The following TENM2 variants were observed in gnomAD, a reference collection of about 807,000 sequenced individuals.
TENM2 encodes teneurin-2.
Under a neutral mutation model 245.2 loss-of-function variants are expected in TENM2, and 52 were observed. The ratio of observed to expected loss-of-function variants is 0.21; its 90% CI spans 0.17 to 0.27. TENM2 has a LOEUF of 0.27. Ranked by LOEUF, TENM2 falls within the 10% of genes least tolerant of loss-of-function variation. The probability of loss-of-function intolerance (pLI) is 1.00; values close to 1 mark genes in which losing one functional copy is unlikely to be tolerated. For synonymous variants in TENM2, 1,363 were observed against 1,438.9 expected (o/e 0.95, Z 1.19); for missense variants, 3,046 against 3,666.8 (o/e 0.83, Z 4.37).
At chr5:167,163,046 C>G in the TENM2 span, among the ~76,000 whole-genome samples, 2 of 152,072 alleles carry the variant, frequency 1.3e-5, no homozygotes, top group South Asian at 4.1e-4. Flanking sequence ...TAATGGTAGC[C>G]CTTTGTTCAG....
intron 4 of TENM2, among the ~76,000 whole-genome samples, chr5:167,988,962 C>G (rs1783450151): frequency 6.6e-6 from 1 of 152,102 alleles, no homozygotes; most frequent in Non-Finnish European, 1.5e-5. Flanking sequence ...ACATTAAAGC[C>G]AATTTAAACT....
the TENM2 span, among the ~76,000 whole-genome samples, chr5:166,990,423 G>A: frequency 6.6e-6 from 1 of 152,306 alleles, no homozygotes; most frequent in African/African-American, 2.4e-5. Context: ...ATACTGAAGT[G>A]TTATTAATAA....
intron 12 of TENM2, among the ~76,000 whole-genome samples, chr5:168,135,977 C>T (rs1755014417): frequency 6.6e-6 from 1 of 152,162 alleles, no homozygotes; most frequent in Admixed American, 6.5e-5. Context: ...CAAATAGCCT[C>T]ATTCCATAGT....
chr5:166,984,242 T>G, the TENM2 span, among the ~76,000 whole-genome samples: 24 of 152,096 alleles, frequency 1.6e-4, no homozygotes, highest in African/African-American at 5.6e-4. Context: ...GTTTTGCAAT[T>G]TTTAATTTAC....
At chr5:167,362,627 C>A (rs1267692800) in intron 1 of TENM2, among the ~76,000 whole-genome samples, 2 of 152,166 alleles carry the variant, frequency 1.3e-5, no homozygotes, top group Non-Finnish European at 2.9e-5. Context: ...ATGCAAGTGT[C>A]ATGTGCCTTT....
intron 2 of TENM2, among the ~76,000 whole-genome samples, chr5:167,458,494 C>CAAAA (rs70976430): frequency 1.1e-4 from 9 of 82,022 alleles, no homozygotes; most frequent in African/African-American, 1.8e-4. Flanking sequence ...CTCAAAAAAA[C>CAAAA]AAAAAAAAAA....
chr5:167,818,729 T>C (rs922462490), intron 2 of TENM2, among the ~76,000 whole-genome samples: 4 of 152,168 alleles, frequency 2.6e-5, no homozygotes, highest in African/African-American at 4.8e-5. Context: ...GAAAAAGATA[T>C]AATTTTCTTC....
At chr5:167,285,610 G>A (rs1172013437) in intron 1 of TENM2, among the ~76,000 whole-genome samples, 1 of 152,068 alleles carries the variant, frequency 6.6e-6, no homozygotes, top group African/African-American at 2.4e-5. Flanking sequence ...CTAACAGTTG[G>A]CACTCTCTTC....
At chr5:168,059,344 G>A (rs1015834020) in intron 6 of TENM2, among the ~76,000 whole-genome samples, 1 of 152,146 alleles carries the variant, frequency 6.6e-6, no homozygotes, top group Non-Finnish European at 1.5e-5. Flanking sequence ...AACACTCGTG[G>A]GTGCTGATTT....
the TENM2 span, among the ~76,000 whole-genome samples, chr5:167,065,244 AC>A: frequency 6.6e-6 from 1 of 152,186 alleles, no homozygotes; most frequent in African/African-American, 2.4e-5. Context: ...AAAGTTTAGC[AC>A]ATAACCTTTT....
chr5:168,084,771 A>G (rs747307713), intron 7 of TENM2, among the ~76,000 whole-genome samples: 37 of 152,322 alleles, frequency 2.4e-4, no homozygotes, highest in Non-Finnish European at 8.8e-5. Flanking sequence ...GACCAAGTAC[A>G]GCCAACACCC....
the TENM2 span, among the ~76,000 whole-genome samples, chr5:167,158,770 T>A: frequency 6.6e-6 from 1 of 152,020 alleles, no homozygotes; most frequent in South Asian, 2.1e-4. Context: ...AGTCCCCATT[T>A]CCAAGTACCA....
intron 5 of TENM2, among the ~76,000 whole-genome samples, chr5:168,003,816 G>A (rs566262943): frequency 2.0e-4 from 30 of 152,214 alleles, no homozygotes; most frequent in African/African-American, 6.3e-4. Context: ...TAGACACAGC[G>A]GACTCTTGCC....
chr5:168,090,502 G>A (rs181535512), intron 7 of TENM2, 72 bp from the exon 10 acceptor site: 3 of 1,373,470 alleles, frequency 2.2e-6, no homozygotes, highest in East Asian at 4.8e-5. Context: ...AATGGGTTCG[G>A]GGGGAAGGTA....
chr5:167,652,360 T>G (rs1754529493), intron 2 of TENM2, among the ~76,000 whole-genome samples: 1 of 152,236 alleles, frequency 6.6e-6, no homozygotes, highest in Admixed American at 6.5e-5. Context: ...ACAATAATTT[T>G]GGGCTTATTC....
At position 167,423,496 on chromosome 5, in the gene TENM2, C is replaced by T. The variant is rs116583613; in HGVS notation, c.502+48023C>T. On this transcript the variant is annotated intron_variant, in intron 2 of 28. Transcript: ENST00000518659. ...GTGTTCTTAATGAACTGTTAATAAG[C>T]TGTCAATTATAGTGTTTATGCAAAT... is the stretch of plus-strand genomic sequence containing the variant. Among the ~76,000 whole-genome samples, 799 of 152,244 alleles carry T rather than the reference C, an allele frequency of 5.2e-3. 3 individuals carry two copies. The highest frequency in any genetic ancestry group is 0.018 in the African/African-American group (763 of 41,548).
chr5:167,834,749 A>T (rs1391893336), intron 2 of TENM2, among the ~76,000 whole-genome samples: 1 of 149,208 alleles, frequency 6.7e-6, no homozygotes, highest in Non-Finnish European at 1.5e-5. Context: ...TCCCAGGTTC[A>T]TGCCATTCTC....
intron 2 of TENM2, among the ~76,000 whole-genome samples, chr5:167,588,754 A>G (rs888155701): frequency 2.6e-5 from 4 of 152,244 alleles, no homozygotes; most frequent in African/African-American, 9.6e-5. Flanking sequence ...GAACCTATGT[A>G]GAATTACTGG....
At chr5:167,101,730 G>A in the TENM2 span, among the ~76,000 whole-genome samples, 2 of 150,828 alleles carry the variant, frequency 1.3e-5, no homozygotes, top group East Asian at 4.0e-4. Context: ...ATGTGTAGGT[G>A]CTCTGACTGC....
Sources: allele counts gnomAD v4.1 joint callset (sites outside exome capture counted in the v4.1 genomes callset), GRCh38; gene constraint gnomAD v4.1.1; transcripts MANE v1.5; gene names NCBI Gene and HGNC (gene_info 2026-07-23, HGNC 2026-07-21).